Variants in RD3 observed in about 807,000 individuals in gnomAD.
The protein encoded by RD3 is RD3 regulator of GUCY2D.
RD3 carries 11 observed loss-of-function variants against 16.9 expected under a neutral mutation model. The ratio of observed to expected loss-of-function variants is 0.65; its 90% CI spans 0.41 to 1.08. The LOEUF (loss-of-function observed/expected upper bound fraction) is 1.08, where lower values mean the gene tolerates loss of function less well. RD3 is among the 50% of genes least tolerant of loss of function. The pLI is 0.00. For synonymous variants in RD3, 116 were observed against 114.8 expected (o/e 1.01, Z -0.07); for missense variants, 274 against 267.4 (o/e 1.02, Z -0.17).
intron 1 of RD3, among the ~76,000 whole-genome samples, chr1:211,481,672 C>T (rs544282362): frequency 3.3e-5 from 5 of 152,304 alleles, no homozygotes; most frequent in African/African-American, 1.2e-4. Context: ...GTAAACATCA[C>T]ATAAAAGTAA....
intron 2 of RD3, among the ~76,000 whole-genome samples, chr1:211,479,612 A>G (rs1486675751): frequency 2.6e-5 from 4 of 152,186 alleles, no homozygotes; most frequent in African/African-American, 9.7e-5. Context: ...AAGATATGTA[A>G]AGATCCTGAC....
At position 211,483,321 on chromosome 1, in the gene RD3, G is replaced by A. The variant is rs538483307; in HGVS notation, c.-11-1895C>T. ...TACTAAGAATACAAAAATTAGCTGG[G>A]CATGGTGGCACATGCCTGTAGTCCC... On this transcript the variant is annotated intron_variant, in intron 1 of 2. Transcript: ENST00000680073. 2.0e-5 allele frequency among the ~76,000 whole-genome samples: 3 copies of A among 149,832 alleles called. 1 individual carries two copies. Among genetic ancestry groups the A allele is most frequent in the African/African-American group, 7.6e-5 (3 of 39,270 alleles).
chr1:211,477,810 G>A lies in RD3; in HGVS notation c.*1226C>T, dbSNP rs2102365412. The A allele has an allele frequency of 2.9e-6, 1 of 340,264 alleles. No individual in the cohort carries two copies. Among genetic ancestry groups the A allele is most frequent in the African/African-American group, 2.1e-5 (1 of 47,464 alleles). 21.1% of individuals were successfully genotyped at this position (340,264 alleles called of 1,614,324 possible). ...AGGTCCACTTGCATTTTCTGCATGT[G>A]TGCTGGTAGTTGAGGGTAGACACTT... On this transcript the variant is annotated 3_prime_UTR_variant, in exon 3 of 3. Transcript: ENST00000680073.
In RD3 at chr1:211,483,120, G is replaced by A. The variant is rs544174305; in HGVS notation, c.-11-1694C>T. 3.3e-5 allele frequency among the ~76,000 whole-genome samples: 5 copies of A among 152,024 alleles called. No individual in the cohort carries two copies. The South Asian group carries it at 6.2e-4, about 19-fold the overall frequency. On this transcript the variant is annotated intron_variant, in intron 1 of 2. Transcript: ENST00000680073. ...GGCCACAGCTAAATCTCTACTTACC[G>A]ATGGAGACTTGAATGACCAACTCCT...
At chr1:211,491,083 C>G (rs184783725) in intron 1 of RD3, among the ~76,000 whole-genome samples, 193 of 152,316 alleles carry the variant, frequency 1.3e-3, no homozygotes, top group East Asian at 0.01. Context: ...AGGGCGTGTA[C>G]ACAGGTCTGA....
Position 211,478,565 on chromosome 1 carries a change from G to A in RD3, c.*471C>T, listed in dbSNP as rs34433079. The A allele has an allele frequency of 0.18, 38,242 of 217,130 alleles. 4,051 individuals are homozygous for A. The highest frequency in any genetic ancestry group is 0.24 in the South Asian group (1,352 of 5,572). 13.5% of individuals were successfully genotyped at this position (217,130 alleles called of 1,614,324 possible). Reference sequence around the variant, plus strand: ...AGGCTGTGTGTGACCCACCTGCAGTGGTGAGCTCAGCCAGTCACTAGCAAG... The same window carrying A: ...AGGCTGTGTGTGACCCACCTGCAGTAGTGAGCTCAGCCAGTCACTAGCAAG... On this transcript the variant is annotated 3_prime_UTR_variant, in exon 3 of 3. Transcript: ENST00000680073.
intron 1 of RD3, among the ~76,000 whole-genome samples, chr1:211,488,380 C>G: frequency 6.6e-6 from 1 of 151,956 alleles, no homozygotes; most frequent in African/African-American, 2.4e-5. Flanking sequence ...ACTAAAAATA[C>G]AAAAATTAGC....
intron 1 of RD3, among the ~76,000 whole-genome samples, chr1:211,485,861 A>G (rs1572144519): frequency 1.3e-5 from 2 of 151,848 alleles, no homozygotes. Flanking sequence ...TCCTTGTTTT[A>G]AAAAATTAGG....
At position 211,478,962 on chromosome 1, in the gene RD3, G is replaced by T; in HGVS notation, c.*74C>A. 3 of 1,413,962 alleles carry T rather than the reference G, an allele frequency of 2.1e-6. No individual in the cohort carries two copies. The highest frequency in any genetic ancestry group is 2.8e-6 in the Non-Finnish European group (3 of 1,064,530). The allele number at this position is 1,413,962 out of a possible 1,614,324, so 87.6% of individuals were successfully genotyped here. On this transcript the variant is annotated 3_prime_UTR_variant, in exon 3 of 3. Coordinates refer to ENST00000680073, the MANE Select transcript of RD3 (RefSeq NM_001164688.2). The stretch of plus-strand genomic sequence containing the variant: ...CAGGCCTAGGTGGGGAGGTTCCAGG[G>T]CCCGGCGCTCCGGTCACCGGCCTAT...
intron 1 of RD3, among the ~76,000 whole-genome samples, chr1:211,481,664 A>G (rs1705268918): frequency 6.6e-6 from 1 of 152,262 alleles, no homozygotes; most frequent in Admixed American, 6.5e-5. Flanking sequence ...TGTACACTGT[A>G]AACATCACAT....
At chr1:211,484,545 G>T (rs1296921944) in intron 1 of RD3, among the ~76,000 whole-genome samples, 1 of 152,172 alleles carries the variant, frequency 6.6e-6, no homozygotes, top group African/African-American at 2.4e-5. Flanking sequence ...GAAAACTTTT[G>T]CCTCCAGGGC....
chr1:211,481,431 T>A lies in RD3; in HGVS notation c.-11-5A>T. 1 of 1,611,574 alleles carries A rather than the reference T, an allele frequency of 6.2e-7. No individual in the cohort carries two copies. Among genetic ancestry groups the A allele is most frequent in the South Asian group, 1.1e-5 (1 of 90,952 alleles). ...TGAGAGACATAGCCCCTGGCCCTGC[T>A]GAGACAGGACAGATGTGCATCTTTC... On this transcript the variant is annotated splice_polypyrimidine_tract_variant and splice_region_variant and intron_variant, in intron 1 of 2. Transcript: ENST00000680073.
chr1:211,479,360 A>T (rs764127311), intron 2 of RD3, 33 bp from the exon 3 acceptor site: 3 of 1,580,796 alleles, frequency 1.9e-6, no homozygotes, highest in Non-Finnish European at 2.6e-6. Context: ...GGGGACATTC[A>T]CCCACAACAG....
chr1:211,482,221 T>TAA (rs34384869), intron 1 of RD3, among the ~76,000 whole-genome samples: 1 of 149,404 alleles, frequency 6.7e-6, no homozygotes, highest in South Asian at 2.1e-4. Context: ...AAACTCCGTT[T>TAA]AAAAAAAAAA....
intron 1 of RD3, among the ~76,000 whole-genome samples, chr1:211,485,984 A>G (rs1190421419): frequency 1.3e-5 from 2 of 151,390 alleles, no homozygotes; most frequent in African/African-American, 4.9e-5. Flanking sequence ...TACCAAAAAT[A>G]TAAAAAATTA....
In RD3 at chr1:211,481,314, C is replaced by T. The variant is rs199511076; in HGVS notation, c.102G>A (p.Thr34=). ...MVLETLMMEL[T]GQMREAERQQ... The stretch of plus-strand genomic sequence containing the variant: ...GCCTCTCAGCCTCTCGCATCTGCCC[C>T]GTCAGCTCCATCATAAGCGTCTCCA... Residue 34 remains threonine, a synonymous_variant, in exon 2 of 3, where the codon ACG becomes ACA. Coordinates refer to ENST00000680073, the MANE Select transcript of RD3 (RefSeq NM_001164688.2). 3.2e-5 allele frequency: 52 copies of T among 1,614,126 alleles called. No individual in the cohort carries two copies. Among genetic ancestry groups the T allele is most frequent in the South Asian group, 1.8e-4 (16 of 91,094 alleles).
chr1:211,488,538 A>G (rs1705421980), intron 1 of RD3, among the ~76,000 whole-genome samples: 1 of 151,718 alleles, frequency 6.6e-6, no homozygotes, highest in Non-Finnish European at 1.5e-5. Flanking sequence ...CTGTCAAAAA[A>G]AAAAAAAAAA....
Position 211,477,469 on chromosome 1 carries a change from A to T in RD3, c.*1567T>A, listed in dbSNP as rs1289482179. 6.6e-6 allele frequency: 1 copy of T among 150,570 alleles called. No individual in the cohort carries two copies. Among genetic ancestry groups the T allele is most frequent in the African/African-American group, 2.5e-5 (1 of 40,600 alleles). The allele number at this position is 150,570 out of a possible 1,614,324, so 9.3% of individuals were successfully genotyped here. On this transcript the variant is annotated 3_prime_UTR_variant, in exon 3 of 3. Coordinates refer to ENST00000680073, the MANE Select transcript of RD3 (RefSeq NM_001164688.2). ...ACTCAGTCTCAAAAAAAAAAAAAAA[A>T]GTTTGGCAACCAAGTGAACTTTTTA...
chr1:211,480,308 G>T (rs1409773908), intron 2 of RD3, among the ~76,000 whole-genome samples: 2 of 152,162 alleles, frequency 1.3e-5, no homozygotes, highest in African/African-American at 4.8e-5. Context: ...GGTGAAAGGG[G>T]CTGAAGGAGA....
Sources: allele counts gnomAD v4.1 joint callset (sites outside exome capture counted in the v4.1 genomes callset), GRCh38; gene constraint gnomAD v4.1.1; transcripts MANE v1.5; gene names NCBI Gene and HGNC (gene_info 2026-07-23, HGNC 2026-07-21).